Variants in ROBO2 observed in about 807,000 individuals in gnomAD.
ROBO2 encodes roundabout guidance receptor 2, also known as roundabout homolog 2.
Under a neutral mutation model 160.8 loss-of-function variants are expected in ROBO2, and 53 were observed. The observed-to-expected ratio is 0.33, with a 90% confidence interval of 0.26 to 0.41. The LOEUF (loss-of-function observed/expected upper bound fraction) is 0.41. Among genes scored for constraint, ROBO2 ranks in the 10% least tolerant of loss-of-function variants. ROBO2 has a pLI of 1.00. For synonymous variants in ROBO2, 664 were observed against 611.7 expected (o/e 1.09, Z -1.26); for missense variants, 1,577 against 1,722.4 (o/e 0.92, Z 1.49).
intron 2 of ROBO2, among the ~76,000 whole-genome samples, chr3:76,772,138 G>A (rs1456886273): frequency 6.6e-6 from 1 of 151,182 alleles, no homozygotes; most frequent in African/African-American, 2.4e-5. Flanking sequence ...CACGGCATGT[G>A]GGCTTTGTTT....
intron 2 of ROBO2, among the ~76,000 whole-genome samples, chr3:75,981,221 T>C (rs1035447358): frequency 2.0e-5 from 3 of 151,508 alleles, no homozygotes; most frequent in Non-Finnish European, 4.4e-5. Context: ...TTGGGCAAAA[T>C]AATTACACAA....
intron 2 of ROBO2, among the ~76,000 whole-genome samples, chr3:76,107,643 G>C (rs1357027568): frequency 2.0e-5 from 3 of 151,748 alleles, no homozygotes; most frequent in East Asian, 3.9e-4. Flanking sequence ...TTACTATTGT[G>C]GAAATAAAGA....
intron 2 of ROBO2, among the ~76,000 whole-genome samples, chr3:76,029,275 A>G (rs1226921107): frequency 6.6e-6 from 1 of 152,022 alleles, no homozygotes; most frequent in Admixed American, 6.6e-5. Context: ...GTTTTTGTTA[A>G]CTGTGTTTAA....
chr3:76,457,326 C>CA (rs1223931929), intron 2 of ROBO2, among the ~76,000 whole-genome samples: 1 of 152,218 alleles, frequency 6.6e-6, no homozygotes, highest in Admixed American at 6.5e-5. Flanking sequence ...CTGCAAGGCC[C>CA]ACGCAAGTCC....
At chr3:76,104,081 C>A (rs1018014496) in intron 2 of ROBO2, among the ~76,000 whole-genome samples, 1 of 152,128 alleles carries the variant, frequency 6.6e-6, no homozygotes, top group African/African-American at 2.4e-5. Flanking sequence ...TTTTCTGAAC[C>A]CTGGTCTCTT....
intron 2 of ROBO2, among the ~76,000 whole-genome samples, chr3:76,108,281 T>C (rs1392598781): frequency 6.6e-6 from 1 of 152,092 alleles, no homozygotes; most frequent in Non-Finnish European, 1.5e-5. Context: ...TGAAAGTTTT[T>C]AATGAAAGAT....
intron 2 of ROBO2, among the ~76,000 whole-genome samples, chr3:76,810,363 T>A (rs1387285240): frequency 6.6e-6 from 1 of 152,168 alleles, no homozygotes; most frequent in Non-Finnish European, 1.5e-5. Context: ...TGACTTTTTC[T>A]TGGACCACAG....
At chr3:76,586,084 T>A (rs1247384831) in intron 2 of ROBO2, among the ~76,000 whole-genome samples, 3 of 152,174 alleles carry the variant, frequency 2.0e-5, no homozygotes, top group Non-Finnish European at 2.9e-5. Flanking sequence ...ATAGTGCTGC[T>A]TTAAAATAGT....
At chr3:77,223,514 C>T (rs1007422511) in intron 2 of ROBO2, among the ~76,000 whole-genome samples, 12 of 152,074 alleles carry the variant, frequency 7.9e-5, no homozygotes, top group Non-Finnish European at 1.6e-4. Flanking sequence ...AGAATATTAA[C>T]TTTCCATATT....
chr3:77,353,053 A>G (rs1281603108), intron 2 of ROBO2, among the ~76,000 whole-genome samples: 1 of 152,180 alleles, frequency 6.6e-6, no homozygotes, highest in African/African-American at 2.4e-5. Flanking sequence ...GTTCTTTTAA[A>G]TTCTATGATG....
chr3:76,458,758 C>T (rs1476825224), intron 2 of ROBO2, among the ~76,000 whole-genome samples: 1 of 151,098 alleles, frequency 6.6e-6, no homozygotes, highest in Non-Finnish European at 1.5e-5. Context: ...TCTTACATGG[C>T]TGAGGCAAGA....
chr3:76,324,740 C>T lies in ROBO2; in HGVS notation c.109+387138C>T, dbSNP rs2072865248. On this transcript the variant is annotated intron_variant, in intron 2 of 26. Coordinates refer to the ROBO2 transcript ENST00000487694. ...TCTGGAATTAAATATCAAAAAACTT[C>T]TCTGGAAAAAAAAGCACTTTACTAC... is the stretch of plus-strand genomic sequence containing the variant. Among the ~76,000 whole-genome samples, 3 of 152,022 alleles carry T rather than the reference C, an allele frequency of 2.0e-5. No homozygotes were observed. The South Asian group carries it at 6.2e-4, about 32-fold the overall frequency.
At chr3:76,513,751 C>T (rs886524501) in intron 2 of ROBO2, among the ~76,000 whole-genome samples, 1 of 152,024 alleles carries the variant, frequency 6.6e-6, no homozygotes, top group Non-Finnish European at 1.5e-5. Context: ...TCCATATGTC[C>T]ACTACCCAGT....
At chr3:76,280,256 G>A (rs1289354023) in intron 2 of ROBO2, among the ~76,000 whole-genome samples, 1 of 151,882 alleles carries the variant, frequency 6.6e-6, no homozygotes, top group Non-Finnish European at 1.5e-5. Flanking sequence ...GGACTGAATT[G>A]TGCCCCCTGC....
At chr3:77,510,093 GA>G (rs1426070713) in intron 5 of ROBO2, among the ~76,000 whole-genome samples, 1 of 151,976 alleles carries the variant, frequency 6.6e-6, no homozygotes, top group East Asian at 1.9e-4. Context: ...AGAGACCAAT[GA>G]GGATGTCACA....
intron 2 of ROBO2, among the ~76,000 whole-genome samples, chr3:77,405,896 A>G (rs956097127): frequency 1.3e-5 from 2 of 152,206 alleles, no homozygotes; most frequent in Non-Finnish European, 2.9e-5. Flanking sequence ...TGATCCCTGT[A>G]TGTCATGAAA....
chr3:76,446,552 C>T (rs60881331), intron 2 of ROBO2, among the ~76,000 whole-genome samples: 76,844 of 151,714 alleles, frequency 0.51, 19,844 homozygotes, highest in South Asian at 0.6. Flanking sequence ...TTAAAGTTCA[C>T]GTGGAACCAA....
At chr3:77,070,836 G>A (rs1021877047) in intron 1 of ROBO2, among the ~76,000 whole-genome samples, 13 of 152,132 alleles carry the variant, frequency 8.5e-5, no homozygotes, top group Admixed American at 7.9e-4. Flanking sequence ...GGACTGTGAT[G>A]GGGAAAGAGT....
intron 2 of ROBO2, among the ~76,000 whole-genome samples, chr3:76,382,363 C>T (rs1576813513): frequency 6.6e-6 from 1 of 152,056 alleles, no homozygotes; most frequent in Admixed American, 6.5e-5. Flanking sequence ...CCGAGGCAGG[C>T]GGATCACAAG....
Sources: allele counts gnomAD v4.1 joint callset (sites outside exome capture counted in the v4.1 genomes callset), GRCh38; gene constraint gnomAD v4.1.1; transcripts MANE v1.5; gene names NCBI Gene and HGNC (gene_info 2026-07-23, HGNC 2026-07-21).